Variants in TIAM2 observed in about 807,000 individuals in gnomAD.
The protein encoded by TIAM2 is rho guanine nucleotide exchange factor TIAM2.
In TIAM2, 80 loss-of-function variants were observed where a neutral mutation model predicts 152.9. That is an observed-to-expected ratio of 0.52 (90% CI 0.44 to 0.63). The LOEUF is 0.63. Ranked by LOEUF, TIAM2 falls within the 30% of genes least tolerant of loss-of-function variation. The pLI is 0.00. For missense variants in TIAM2, 1,965 were observed against 2,120.1 expected (o/e 0.93, Z 1.44); for synonymous variants, 804 against 838.0 (o/e 0.96, Z 0.70).
chr6:155,085,065 G>A (rs1047054268), intron 1 of TIAM2, among the ~76,000 whole-genome samples: 10 of 152,068 alleles, frequency 6.6e-5, no homozygotes, highest in African/African-American at 2.4e-4. Context: ...CTACAAACCT[G>A]GGTCACAGGA....
At chr6:155,226,630 A>C (rs567062543) in intron 15 of TIAM2, among the ~76,000 whole-genome samples, 2 of 143,284 alleles carry the variant, frequency 1.4e-5, no homozygotes, top group South Asian at 4.4e-4. Flanking sequence ...GTGCCACTGC[A>C]CTCCAGCCTG....
chr6:155,038,953 C>CTTTTTTT (rs33971396), intron 1 of TIAM2, among the ~76,000 whole-genome samples: 1 of 64,144 alleles, frequency 1.6e-5, no homozygotes, highest in Non-Finnish European at 2.7e-5. Context: ...TGAGCATGTC[C>CTTTTTTT]TTTTTTTTTT....
At chr6:155,006,865 AT>A (rs774143141) in intron 1 of TIAM2, among the ~76,000 whole-genome samples, 1 of 151,602 alleles carries the variant, frequency 6.6e-6, no homozygotes, top group Non-Finnish European at 1.5e-5. Context: ...ATTTTTTTGT[AT>A]TTTTAGTAGA....
chr6:155,023,658 G>GC (rs1241271867), intron 1 of TIAM2, among the ~76,000 whole-genome samples: 1 of 152,142 alleles, frequency 6.6e-6, no homozygotes, highest in Admixed American at 6.5e-5. Context: ...GTCTTCTCTT[G>GC]CGGGGAAAGG....
intron 1 of TIAM2, among the ~76,000 whole-genome samples, chr6:155,071,008 C>T (rs987805610): frequency 6.6e-6 from 1 of 152,144 alleles, no homozygotes; most frequent in African/African-American, 2.4e-5. Flanking sequence ...CCTGTCTCTA[C>T]TACTAATGAA....
chr6:155,234,831 G>A (rs745646797), intron 15 of TIAM2, among the ~76,000 whole-genome samples: 4 of 152,270 alleles, frequency 2.6e-5, no homozygotes, highest in Non-Finnish European at 4.4e-5. Context: ...GCAGGTGGCT[G>A]CATCCCTAGA....
intron 2 of TIAM2, among the ~76,000 whole-genome samples, chr6:155,119,829 C>T (rs1156440497): frequency 6.6e-6 from 1 of 152,202 alleles, no homozygotes; most frequent in African/African-American, 2.4e-5. Context: ...GACAAACACA[C>T]AAGCACACAC....
At chr6:155,025,303 C>G (rs929860905) in intron 1 of TIAM2, among the ~76,000 whole-genome samples, 1 of 151,764 alleles carries the variant, frequency 6.6e-6, no homozygotes, top group African/African-American at 2.4e-5. Flanking sequence ...ACGCCATTCT[C>G]CTGCCTCAGC....
intron 1 of TIAM2, chr6:155,022,538 G>C (rs1211447747): frequency 1.3e-5 from 2 of 152,294 alleles, no homozygotes; most frequent in Admixed American, 1.3e-4. Flanking sequence ...GACCCCAGGT[G>C]ATCCACCTGC....
intron 14 of TIAM2, among the ~76,000 whole-genome samples, chr6:155,196,574 T>C (rs1030156337): frequency 2.6e-5 from 4 of 152,088 alleles, no homozygotes; most frequent in African/African-American, 9.7e-5. Flanking sequence ...GAATTTACAA[T>C]GAAAACGTTA....
At chr6:155,102,565 C>T (rs183109715) in intron 2 of TIAM2, among the ~76,000 whole-genome samples, 61 of 152,110 alleles carry the variant, frequency 4.0e-4, no homozygotes, top group Non-Finnish European at 6.9e-4. Flanking sequence ...TGGGGGTGTT[C>T]CAATGCCCCA....
At chr6:155,184,395 A>G (rs1021499463) in intron 14 of TIAM2, among the ~76,000 whole-genome samples, 1 of 152,252 alleles carries the variant, frequency 6.6e-6, no homozygotes, top group Non-Finnish European at 1.5e-5. Flanking sequence ...AGACTTCCAT[A>G]TGAGGAAATC....
chr6:155,118,707 T>G (rs1779075393), intron 2 of TIAM2, among the ~76,000 whole-genome samples: 1 of 152,120 alleles, frequency 6.6e-6, no homozygotes, highest in South Asian at 2.1e-4. Context: ...TGTGTTGCGA[T>G]TACAGGCGTG....
intron 9 of TIAM2, among the ~76,000 whole-genome samples, chr6:155,169,816 A>C (rs1326523911): frequency 2.7e-5 from 4 of 148,678 alleles, no homozygotes; most frequent in Non-Finnish European, 4.5e-5. Flanking sequence ...TTTCTCCTCC[A>C]CCAAATAATT....
At chr6:155,094,733 T>G (rs9767613) in intron 2 of TIAM2, among the ~76,000 whole-genome samples, 14 of 147,556 alleles carry the variant, frequency 9.5e-5, no homozygotes, top group Admixed American at 1.3e-4. Context: ...GGTTTTTTTT[T>G]TTTTGTTTTT....
intron 1 of TIAM2, among the ~76,000 whole-genome samples, chr6:155,001,695 T>C (rs147348194): frequency 6.6e-6 from 1 of 152,252 alleles, no homozygotes; most frequent in Non-Finnish European, 1.5e-5. Context: ...TGGACTACAG[T>C]GTTCATTGTG....
At chr6:155,182,085 C>G (rs1255346117) in intron 12 of TIAM2, 141 bp from the exon 13 acceptor site, 64 of 664,724 alleles carry the variant, frequency 9.6e-5, no homozygotes, top group South Asian at 8.6e-4. Flanking sequence ...GATATTTATA[C>G]TTTCAAAATA....
chr6:155,110,244 C>T (rs9480054), intron 2 of TIAM2, among the ~76,000 whole-genome samples: 46,783 of 151,338 alleles, frequency 0.31, 7,841 homozygotes, highest in Admixed American at 0.41. Context: ...TGAGCCACCA[C>T]GTCCAGCCGA....
At chr6:155,077,415 C>T (rs1777984975) in intron 1 of TIAM2, among the ~76,000 whole-genome samples, 1 of 152,148 alleles carries the variant, frequency 6.6e-6, no homozygotes, top group South Asian at 2.1e-4. Flanking sequence ...CATTGTGCTG[C>T]CTTCTCAATT....
Sources: gnomAD v4.1 joint callset for allele counts (sites outside exome capture counted in the v4.1 genomes callset) on GRCh38, gnomAD v4.1.1 for gene constraint, MANE v1.5 for transcripts, NCBI Gene and HGNC (gene_info 2026-07-23, HGNC 2026-07-21) for gene names.